CPM: variants seen among roughly 807,000 people sequenced by gnomAD.
CPM encodes the protein carboxypeptidase M, also known as renal carboxypeptidase.
A neutral mutation model predicts 46.4 loss-of-function variants in CPM; 35 were observed. The ratio of observed to expected loss-of-function variants is 0.75; its 90% CI spans 0.58 to 1.00. CPM has a LOEUF of 1.00. Ranked by LOEUF, CPM falls within the 50% of genes least tolerant of loss-of-function variation. The probability of loss-of-function intolerance (pLI) is 0.00; values close to 1 mark genes in which losing one functional copy is unlikely to be tolerated. For synonymous variants in CPM, 195 were observed against 195.3 expected (o/e 1.00, Z 0.01); for missense variants, 422 against 530.4 (o/e 0.80, Z 2.01).
chr12:68,884,302 A>G (rs547670023), intron 3 of CPM, among the ~76,000 whole-genome samples: 1 of 152,274 alleles, frequency 6.6e-6, no homozygotes, highest in Admixed American at 6.5e-5. Context: ...ATGCTCAAAA[A>G]GTCACAGATG....
rs575695861 is a variant in CPM at position 68,883,919 on chromosome 12, A to C, written c.258+1873T>G. ...AGACCAGCTTGGCCAAAATGGTGAA[A>C]CCCCCATCTCTACTAAAAAAAAAAA... On this transcript the variant is annotated intron_variant, in intron 3 of 8. Coordinates refer to ENST00000551568, the MANE Select transcript of CPM (RefSeq NM_198320.5). 1.9e-4 allele frequency among the ~76,000 whole-genome samples: 26 copies of C among 136,962 alleles called. No homozygotes were observed. In the East Asian group the frequency reaches 4.0e-3, roughly 21 times the overall value. 89.9% of individuals were successfully genotyped at this position (136,962 alleles called of 152,430 possible). A position where few individuals can be genotyped will look rare whatever the true frequency, so the allele number is the denominator to read the frequency against.
At chr12:68,947,246 G>A (rs1451305694) in intron 1 of CPM, among the ~76,000 whole-genome samples, 1 of 152,158 alleles carries the variant, frequency 6.6e-6, no homozygotes, top group Non-Finnish European at 1.5e-5. Context: ...AGAGGAAATA[G>A]TATGTTTTAT....
Position 68,942,748 on chromosome 12 carries a change from A to G in CPM, c.-3-9908T>C, listed in dbSNP as rs570491746. The stretch of plus-strand genomic sequence containing the variant: ...ATCTTTCTTGGGGAGCTGGCATAAT[A>G]TTACTTTCTGCTTCTTGTGTCTTAT... On this transcript the variant is annotated intron_variant, in intron 1 of 8. Transcript: ENST00000546373. Among the ~76,000 whole-genome samples, 4 of 152,260 alleles carry G rather than the reference A, an allele frequency of 2.6e-5. No homozygotes were observed. In the South Asian group the frequency reaches 8.3e-4, roughly 32 times the overall value.
chr12:68,906,138 C>G (rs1359901516), intron 2 of CPM, among the ~76,000 whole-genome samples: 1 of 152,160 alleles, frequency 6.6e-6, no homozygotes, highest in Non-Finnish European at 1.5e-5. Flanking sequence ...TTCTTTTGCT[C>G]TACTTATAGA....
intron 1 of CPM, among the ~76,000 whole-genome samples, chr12:68,952,919 T>G (rs545937007): frequency 5.9e-5 from 9 of 152,314 alleles, no homozygotes; most frequent in Admixed American, 2.0e-4. Flanking sequence ...CTGGAGAACA[T>G]GAGGCTTGAG....
intron 7 of CPM, among the ~76,000 whole-genome samples, chr12:68,866,474 A>C (rs1592639901): frequency 6.6e-6 from 1 of 151,954 alleles, no homozygotes; most frequent in African/African-American, 2.4e-5. Context: ...CTCCCAAGTA[A>C]CTGGGACTAC....
chr12:68,911,141 A>G (rs1348828263), intron 2 of CPM, among the ~76,000 whole-genome samples: 1 of 152,176 alleles, frequency 6.6e-6, no homozygotes, highest in East Asian at 1.9e-4. Context: ...CAAACATACC[A>G]CAAGCAGTTG....
At chr12:68,857,071 G>C (rs1885008109) in intron 8 of CPM, among the ~76,000 whole-genome samples, 1 of 152,066 alleles carries the variant, frequency 6.6e-6, no homozygotes, top group South Asian at 2.1e-4. Context: ...TTATTTTCAA[G>C]TAGAATTATT....
intron 2 of CPM, among the ~76,000 whole-genome samples, chr12:68,907,686 A>G (rs960908979): frequency 6.6e-6 from 1 of 152,158 alleles, no homozygotes; most frequent in Non-Finnish European, 1.5e-5. Flanking sequence ...ATTTGTACCC[A>G]TATTTCTGCC....
At chr12:68,857,933 G>A (rs919732535) in intron 8 of CPM, among the ~76,000 whole-genome samples, 1 of 152,194 alleles carries the variant, frequency 6.6e-6, no homozygotes, top group African/African-American at 2.4e-5. Context: ...AAGATTCACA[G>A]TGAGTTGAGA....
At chr12:68,891,609 G>A (rs1886656177) in intron 2 of CPM, among the ~76,000 whole-genome samples, 1 of 152,218 alleles carries the variant, frequency 6.6e-6, no homozygotes, top group Non-Finnish European at 1.5e-5. Flanking sequence ...GTGTGGTCAT[G>A]GTACCAAGAG....
intron 7 of CPM, among the ~76,000 whole-genome samples, chr12:68,865,750 T>C (rs1565769210): frequency 1.3e-5 from 2 of 152,172 alleles, no homozygotes; most frequent in Middle Eastern, 3.2e-3. Context: ...TCTGTAAATA[T>C]AGAAGAGCCT....
chr12:68,845,168 T>C (rs919268008), intron 5 of CPM: 12 of 222,616 alleles, frequency 5.4e-5, no homozygotes, highest in African/African-American at 2.5e-4. Context: ...TTGCGCTTTA[T>C]GGGTGGATGC....
chr12:68,955,076 C>T (rs755772441), intron 1 of CPM, among the ~76,000 whole-genome samples: 3 of 152,126 alleles, frequency 2.0e-5, no homozygotes, highest in East Asian at 1.9e-4. Flanking sequence ...ACATCTGGCT[C>T]ATGTTTGGCA....
At chr12:68,864,700 G>T (rs531077642) in intron 7 of CPM, among the ~76,000 whole-genome samples, 1 of 152,240 alleles carries the variant, frequency 6.6e-6, no homozygotes, top group East Asian at 1.9e-4. Flanking sequence ...TGATACTGGT[G>T]AAGAATGAAT....
chr12:68,939,087 CAT>C (rs1334508999), intron 1 of CPM, among the ~76,000 whole-genome samples: 5 of 145,438 alleles, frequency 3.4e-5, no homozygotes, highest in African/African-American at 1.0e-4. Flanking sequence ...TATGTATACA[CAT>C]ATGTATCTAT....
chr12:68,952,090 A>G (rs1333660743), intron 1 of CPM, among the ~76,000 whole-genome samples: 1 of 152,222 alleles, frequency 6.6e-6, no homozygotes, highest in African/African-American at 2.4e-5. Context: ...GAAGGACTTC[A>G]TATCCAAGTG....
chr12:68,926,624 C>T (rs1328375528), intron 2 of CPM, among the ~76,000 whole-genome samples: 2 of 151,872 alleles, frequency 1.3e-5, no homozygotes, highest in African/African-American at 2.4e-5. Context: ...AGGTTAGTTA[C>T]ATATGTATAC....
chr12:68,943,821 A>G (rs1456559049), intron 1 of CPM, among the ~76,000 whole-genome samples: 1 of 151,582 alleles, frequency 6.6e-6, no homozygotes, highest in African/African-American at 2.4e-5. Context: ...ACTGAAATTT[A>G]TTTCTTTTCT....
Sources: gnomAD v4.1 joint callset for allele counts (sites outside exome capture counted in the v4.1 genomes callset) on GRCh38, gnomAD v4.1.1 for gene constraint, MANE v1.5 for transcripts, NCBI Gene and HGNC (gene_info 2026-07-23, HGNC 2026-07-21) for gene names.